UBE4B: variants seen among roughly 807,000 people sequenced by gnomAD.
The protein encoded by UBE4B is ubiquitin conjugation factor E4 B.
UBE4B carries 27 observed loss-of-function variants against 148.1 expected under a neutral mutation model. The observed-to-expected ratio is 0.18, with a 90% confidence interval of 0.13 to 0.25. The LOEUF (loss-of-function observed/expected upper bound fraction) is 0.25. UBE4B is among the 10% of genes least tolerant of loss of function. UBE4B has a pLI of 1.00. For synonymous variants in UBE4B, 596 were observed against 619.3 expected (o/e 0.96, Z 0.56); for missense variants, 1,170 against 1,662.4 (o/e 0.70, Z 5.15).
intron 21 of UBE4B, among the ~76,000 whole-genome samples, chr1:10,155,053 C>G (rs1459513695): frequency 1.3e-5 from 2 of 151,590 alleles, no homozygotes; most frequent in Non-Finnish European, 2.9e-5. Context: ...GGGCCTGTCA[C>G]TGTGGCTTCA....
At position 10,180,014 on chromosome 1, in the gene UBE4B, G is replaced by T. The variant is rs1646483812; in HGVS notation, c.*58G>T. On this transcript the variant is annotated 3_prime_UTR_variant, in exon 28 of 28. Transcript: ENST00000343090. ...GCCAAGGCCAACGAGGCAAGCAGAA[G>T]CAGCGGCCGCAGCGAAGCTGCCGTT... The T allele has an allele frequency of 6.2e-7, 1 of 1,605,828 alleles. No individual in the cohort carries two copies. Among genetic ancestry groups the T allele is most frequent in the Non-Finnish European group, 8.5e-7 (1 of 1,175,462 alleles).
At position 10,146,946 on chromosome 1, in the gene UBE4B, C is replaced by T. The variant is rs1056087420; in HGVS notation, c.2464-17C>T. ...CTACTGACTGATCTTTGGGTGGGGA[C>T]ATCCCTGCTTCCACAGAAACTGGTA... On this transcript the variant is annotated splice_polypyrimidine_tract_variant and intron_variant, in intron 18 of 27. Transcript: ENST00000343090. 2 of 1,613,100 alleles carry T rather than the reference C, an allele frequency of 1.2e-6. No homozygotes were observed. The highest frequency in any genetic ancestry group is 1.7e-6 in the Non-Finnish European group (2 of 1,179,178).
At chr1:10,151,613 C>T (rs897966280) in intron 21 of UBE4B, 52 bp downstream of exon 21, 6 of 1,501,972 alleles carry the variant, frequency 4.0e-6, no homozygotes, top group Non-Finnish European at 5.5e-6. Flanking sequence ...TAGGTAAGGT[C>T]ATCTAAAGCT....
At chr1:10,139,023 A>G (rs1226471934) in intron 17 of UBE4B, among the ~76,000 whole-genome samples, 1 of 152,226 alleles carries the variant, frequency 6.6e-6, no homozygotes, top group Non-Finnish European at 1.5e-5. Context: ...GCATCTGTTC[A>G]AAAGAAAGCC....
In UBE4B at chr1:10,151,814, G is replaced by A. The variant is rs116659592; in HGVS notation, c.2926+253G>A. On this transcript the variant is annotated intron_variant, in intron 21 of 27. Coordinates refer to ENST00000343090, the MANE Select transcript of UBE4B (RefSeq NM_001105562.3). ...TACTGAAAGTCAGATGATTGGCACC[G>A]AGACCCAGGGTATCAAGAGCACAAG... Among the ~76,000 whole-genome samples the A allele has an allele frequency of 9.0e-3, 1,363 of 152,194 alleles. 11 individuals carry two copies. The highest frequency in any genetic ancestry group is 0.02 in the African/African-American group (848 of 41,522).
At position 10,161,897 on chromosome 1, in the gene UBE4B, G is replaced by A. The variant is rs1309182616; in HGVS notation, c.3198+611G>A. On this transcript the variant is annotated intron_variant, in intron 23 of 27. Coordinates refer to ENST00000343090, the MANE Select transcript of UBE4B (RefSeq NM_001105562.3). The surrounding 1 kb of genome is among the most constrained non-coding windows in gnomAD (Gnocchi z 4.1). ...GCTGGTGACTTCTTAGATTGGCTTAGGTTTATTGATTCTGTTCTTGGAATT... is the reference window on the plus strand; with the variant it reads ...GCTGGTGACTTCTTAGATTGGCTTAAGTTTATTGATTCTGTTCTTGGAATT... 6.6e-6 allele frequency among the ~76,000 whole-genome samples: 1 copy of A among 152,092 alleles called. No individual in the cohort carries two copies. Among genetic ancestry groups the A allele is most frequent in the Non-Finnish European group, 1.5e-5 (1 of 68,020 alleles).
rs368280932 is a variant in UBE4B, at chr1:10,102,961, G to A, written c.449G>A (p.Gly150Asp). 1 of 1,610,918 alleles carries A rather than the reference G, an allele frequency of 6.2e-7. No individual in the cohort carries two copies. Among genetic ancestry groups the A allele is most frequent in the African/African-American group, 1.3e-5 (1 of 74,878 alleles). The change falls in exon 5 of 28, where the codon GGC becomes GAC. Residue 150 changes from glycine (G) to aspartate (D), a missense_variant. Around this residue, in one of 6 missense-constraint regions of UBE4B, gnomAD observed 91 missense variants for 120.5 expected, o/e 0.76. Coordinates refer to ENST00000343090, the MANE Select transcript of UBE4B (RefSeq NM_001105562.3). ...CTTCTTCACCAGGAGCCTTCCTCGGGCCCTGAAGTGTCTGAAGAGCAGGCC... is the reference window on the plus strand; with the variant it reads ...CTTCTTCACCAGGAGCCTTCCTCGGACCCTGAAGTGTCTGAAGAGCAGGCC... ...RSLSDKEPSS[G>D]PEVSEEQALQ...
intron 22 of UBE4B, among the ~76,000 whole-genome samples, chr1:10,158,879 G>T (rs912272763): frequency 6.6e-6 from 1 of 151,850 alleles, no homozygotes. Flanking sequence ...GTGTGGTGGC[G>T]CACGTCTGTT....
chr1:10,078,033 G>A (rs1207987030), intron 2 of UBE4B, among the ~76,000 whole-genome samples: 3 of 149,870 alleles, frequency 2.0e-5, no homozygotes, highest in Non-Finnish European at 4.4e-5. Context: ...TTTTTGAGAC[G>A]GAGTCTCTCT....
chr1:10,082,372 G>A (rs780328199), intron 2 of UBE4B, among the ~76,000 whole-genome samples: 92 of 151,904 alleles, frequency 6.1e-4, no homozygotes, highest in Admixed American at 1.2e-3. Flanking sequence ...ATGGTAGTGC[G>A]CACCTGTAGG....
chr1:10,110,517 A>G (rs958355369), intron 7 of UBE4B, among the ~76,000 whole-genome samples: 4 of 152,168 alleles, frequency 2.6e-5, no homozygotes, highest in African/African-American at 9.7e-5. Context: ...AAAGTTAATA[A>G]AAATCAATAA....
At chr1:10,115,464 T>C (rs1390920707) in intron 7 of UBE4B, among the ~76,000 whole-genome samples, 1 of 151,886 alleles carries the variant, frequency 6.6e-6, no homozygotes, top group Admixed American at 6.6e-5. Context: ...TGAGATAGGG[T>C]TTCACCATGT....
In UBE4B at chr1:10,115,414, A is replaced by C. The variant is rs1459224705; in HGVS notation, c.1197-2045A>C. Among the ~76,000 whole-genome samples, 4 of 151,806 alleles carry C rather than the reference A, an allele frequency of 2.6e-5. No homozygotes were observed. In the East Asian group the frequency reaches 7.8e-4, roughly 29 times the overall value. On this transcript the variant is annotated intron_variant, in intron 7 of 27. Transcript: ENST00000343090. ...CTCCCAAGTAGCTGGGATTACAGGC[A>C]CACGCCACCATGCCTGGCTAATTTT...
chr1:10,048,401 C>G (rs1643958962), intron 1 of UBE4B, among the ~76,000 whole-genome samples: 1 of 152,072 alleles, frequency 6.6e-6, no homozygotes, highest in Admixed American at 6.6e-5. Flanking sequence ...GGATACTAAT[C>G]TGGAAGTTGT....
chr1:10,055,419 A>T (rs1043875283), intron 1 of UBE4B, among the ~76,000 whole-genome samples: 2 of 151,786 alleles, frequency 1.3e-5, no homozygotes, highest in Admixed American at 6.6e-5. Context: ...GGCTCCGGTG[A>T]TCCTCCTGTC....
chr1:10,106,046 A>C lies in UBE4B; in HGVS notation c.810-151A>C, dbSNP rs1350488966. 3.1e-6 allele frequency: 3 copies of C among 971,316 alleles called. No homozygotes were observed. Among genetic ancestry groups the C allele is most frequent in the Middle Eastern group, 6.5e-4 (2 of 3,074 alleles). The allele number at this position is 971,316 out of a possible 1,614,324, so 60.2% of individuals were successfully genotyped here. A position where few individuals can be genotyped will look rare whatever the true frequency, so the allele number is the denominator to read the frequency against. On this transcript the variant is annotated intron_variant, in intron 6 of 27. Transcript: ENST00000343090. The surrounding 1 kb of genome is among the most constrained non-coding windows in gnomAD (Gnocchi z 4.2). Reference sequence around the variant, plus strand: ...GTATAGCCTCTAGATCAATAGGGCAATTAGATTATAATTATTTAGATGTTT... The same window carrying C: ...GTATAGCCTCTAGATCAATAGGGCACTTAGATTATAATTATTTAGATGTTT...
rs989629131 is a variant in UBE4B at position 10,033,507 on chromosome 1, C to T, written c.-164C>T. On this transcript the variant is annotated 5_prime_UTR_variant, in exon 1 of 28. Coordinates refer to ENST00000343090, the MANE Select transcript of UBE4B (RefSeq NM_001105562.3). ...GACCGAAGCCAAGGCAGTTTAGTGC[C>T]TCTCGTGTTCTTATTTTTTAACCTC... The T allele has an allele frequency of 2.7e-5, 20 of 743,424 alleles. No homozygotes were observed. Among genetic ancestry groups the T allele is most frequent in the South Asian group, 3.5e-5 (1 of 28,438 alleles). 46.1% of individuals were successfully genotyped at this position (743,424 alleles called of 1,614,324 possible). A position where few individuals can be genotyped will look rare whatever the true frequency, so the allele number is the denominator to read the frequency against.
intron 17 of UBE4B, among the ~76,000 whole-genome samples, chr1:10,142,246 G>A (rs1009057299): frequency 1.2e-4 from 18 of 152,098 alleles, no homozygotes; most frequent in African/African-American, 4.1e-4. Flanking sequence ...TTTTCATGAA[G>A]GCCTGTTACC....
intron 1 of UBE4B, among the ~76,000 whole-genome samples, chr1:10,046,321 C>T (rs1177177177): frequency 6.6e-6 from 1 of 152,142 alleles, no homozygotes; most frequent in Non-Finnish European, 1.5e-5. Context: ...AACCCTTCTC[C>T]CGAGGGAGAC....
Sources: allele counts gnomAD v4.1 joint callset (sites outside exome capture counted in the v4.1 genomes callset), GRCh38; gene constraint gnomAD v4.1.1; regional missense constraint gnomAD v4.1.1; non-coding constraint Gnocchi (gnomAD v3.1); transcripts MANE v1.5; gene names NCBI Gene and HGNC (gene_info 2026-07-23, HGNC 2026-07-21).